Variants in TSPAN11 observed in about 807,000 individuals in gnomAD.
TSPAN11 encodes the protein tetraspanin 11.
TSPAN11 carries 29 observed loss-of-function variants against 32.9 expected under a neutral mutation model. The ratio of observed to expected loss-of-function variants is 0.88; its 90% CI spans 0.66 to 1.20. TSPAN11 has a LOEUF of 1.20. Ranked by LOEUF, TSPAN11 falls within the 50% of genes most tolerant of loss-of-function variation. The probability of loss-of-function intolerance (pLI) is 0.00; values close to 1 mark genes in which losing one functional copy is unlikely to be tolerated. For missense variants in TSPAN11, 283 were observed against 329.1 expected, an observed-to-expected ratio of 0.86 and a Z score of 1.08; for synonymous variants, 140 against 141.3, an observed-to-expected ratio of 0.99 and a Z score of 0.07.
At chr12:30,958,523 G>T (rs547834883) in intron 2 of TSPAN11, among the ~76,000 whole-genome samples, 2 of 152,274 alleles carry the variant, frequency 1.3e-5, no homozygotes, top group East Asian at 3.9e-4. Context: ...CTGCATGTGG[G>T]TATAGGGCTC....
chr12:30,948,753 C>T (rs1419227198), intron 1 of TSPAN11, among the ~76,000 whole-genome samples: 1 of 152,186 alleles, frequency 6.6e-6, no homozygotes, highest in Non-Finnish European at 1.5e-5. Context: ...TCCCCATTGT[C>T]TTGGGGATTA....
At chr12:31,004,636 A>G in the TSPAN11 span, among the ~76,000 whole-genome samples, 2 of 152,186 alleles carry the variant, frequency 1.3e-5, no homozygotes, top group East Asian at 3.9e-4. Flanking sequence ...AGTGAGTAGC[A>G]TCCACACTAG....
chr12:30,964,108 TGGG>T, intron 3 of TSPAN11, 91 bp downstream of exon 3: 1 of 991,038 alleles, frequency 1.0e-6, no homozygotes, highest in Admixed American at 2.6e-5. Context: ...AGCCCTGGAG[TGGG>T]AGGGGCTGAG....
the TSPAN11 span, among the ~76,000 whole-genome samples, chr12:31,002,774 T>C: frequency 2.0e-5 from 3 of 152,194 alleles, no homozygotes; most frequent in African/African-American, 7.2e-5. The surrounding 1 kb of genome is among the most constrained non-coding windows in gnomAD (Gnocchi z 4.8). Flanking sequence ...GAACTGCTCT[T>C]TGGCCACCAA....
intron 1 of TSPAN11, among the ~76,000 whole-genome samples, chr12:30,937,264 C>G (rs1281038344): frequency 6.6e-6 from 1 of 152,098 alleles, no homozygotes; most frequent in Non-Finnish European, 1.5e-5. Context: ...CTGGCAATAA[C>G]TTAAGAGGGA....
At position 30,982,691 on chromosome 12, in the gene TSPAN11, G is replaced by A. The variant is rs1363290330; in HGVS notation, c.615+1G>A. On this transcript the variant is annotated splice_donor_variant, in intron 6 of 7. Transcript: ENST00000546076. LOFTEE classifies it high-confidence loss of function. ...CCCCTCCAACATCTATAAGGTGGAG[G>A]TGAGCACCCAAGCTCAAGTTGGGGG... is the stretch of plus-strand genomic sequence containing the variant. 1 of 1,558,396 alleles carries A rather than the reference G, an allele frequency of 6.4e-7. No homozygotes were observed. Among genetic ancestry groups the A allele is most frequent in the South Asian group, 1.2e-5 (1 of 86,064 alleles).
chr12:30,931,879 CAAAAAAA>C (rs58500177), intron 1 of TSPAN11, among the ~76,000 whole-genome samples: 1 of 60,872 alleles, frequency 1.6e-5, no homozygotes, highest in Non-Finnish European at 3.0e-5. Flanking sequence ...GACGCTGTAT[CAAAAAAA>C]AAAAAAAAAA....
chr12:30,978,538 C>T lies in TSPAN11; in HGVS notation c.277-23C>T, dbSNP rs761837217. 5 of 1,613,460 alleles carry T rather than the reference C, an allele frequency of 3.1e-6. No homozygotes were observed. In the South Asian group the frequency reaches 3.3e-5, roughly 11 times the overall value. On this transcript the variant is annotated intron_variant, in intron 3 of 7. Coordinates refer to ENST00000546076, the MANE Select transcript of TSPAN11 (RefSeq NM_001370302.1). Reference sequence around the variant, plus strand: ...AGCAGCAACCCGATCCCAGTGGTGACCGTCCTCTCTCTTTGCTGCTAGTAT... The same window carrying T: ...AGCAGCAACCCGATCCCAGTGGTGATCGTCCTCTCTCTTTGCTGCTAGTAT...
intron 1 of TSPAN11, among the ~76,000 whole-genome samples, chr12:30,934,823 A>G (rs7132336): frequency 0.61 from 93,245 of 151,728 alleles, 29,618 homozygotes; most frequent in East Asian, 0.75. Flanking sequence ...CAGTATACAG[A>G]TAAAGACACT....
chr12:30,982,231 A>AC (rs2140306354), intron 5 of TSPAN11, among the ~76,000 whole-genome samples: 1 of 152,132 alleles, frequency 6.6e-6, no homozygotes, highest in East Asian at 1.9e-4. Context: ...CTGGGGACCC[A>AC]CCTCGCAGAC....
At chr12:30,939,304 A>C (rs1938111863) in intron 1 of TSPAN11, among the ~76,000 whole-genome samples, 1 of 151,814 alleles carries the variant, frequency 6.6e-6, no homozygotes, top group African/African-American at 2.4e-5. Context: ...CAAGTAAGAA[A>C]ACTGGGCCAG....
downstream of TSPAN11, among the ~76,000 whole-genome samples, chr12:30,999,754 T>C (rs1193840203): frequency 1.3e-5 from 2 of 152,082 alleles, no homozygotes; most frequent in African/African-American, 4.8e-5. Context: ...GCTCTGGATG[T>C]TGGACATGGG....
intron 7 of TSPAN11, chr12:30,988,395 C>G (rs1939244238): frequency 6.6e-6 from 1 of 152,218 alleles, no homozygotes; most frequent in Non-Finnish European, 1.5e-5. Context: ...TGAGTCCAGC[C>G]TGGCTAACAA....
the TSPAN11 span, among the ~76,000 whole-genome samples, chr12:31,014,443 T>C: frequency 6.6e-6 from 1 of 152,344 alleles, no homozygotes; most frequent in Admixed American, 6.5e-5. Flanking sequence ...CATAAGGAAA[T>C]GAAGTTGGAA....
chr12:30,953,822 C>T (rs1938429102), intron 1 of TSPAN11, among the ~76,000 whole-genome samples, 159 bp from the exon 2 acceptor site: 1 of 152,184 alleles, frequency 6.6e-6, no homozygotes, highest in Admixed American at 6.5e-5. Context: ...TTAGCAATTC[C>T]CACATCTTTG....
intron 2 of TSPAN11, among the ~76,000 whole-genome samples, chr12:30,963,372 T>C (rs1306122964): frequency 6.6e-6 from 1 of 152,092 alleles, no homozygotes; most frequent in Non-Finnish European, 1.5e-5. Flanking sequence ...AACATAAGGA[T>C]TAAACAAGGG....
chr12:30,966,201 G>C (rs1225427700), intron 3 of TSPAN11, among the ~76,000 whole-genome samples: 1 of 152,014 alleles, frequency 6.6e-6, no homozygotes, highest in Non-Finnish European at 1.5e-5. Context: ...AACAGAGAGT[G>C]GGTGAGACCC....
intron 3 of TSPAN11, among the ~76,000 whole-genome samples, chr12:30,966,588 C>G (rs1005428786): frequency 3.3e-5 from 5 of 152,150 alleles, no homozygotes; most frequent in Non-Finnish European, 7.4e-5. Flanking sequence ...CTGGACTGTG[C>G]GTTGCTGTCT....
At chr12:31,007,785 C>A in the TSPAN11 span, among the ~76,000 whole-genome samples, 1 of 152,168 alleles carries the variant, frequency 6.6e-6, no homozygotes, top group African/African-American at 2.4e-5. Context: ...AGTAATGAAC[C>A]TGCCAAGAAC....
Sources: gnomAD v4.1 joint callset for allele counts (sites outside exome capture counted in the v4.1 genomes callset) on GRCh38, gnomAD v4.1.1 for gene constraint, Gnocchi (gnomAD v3.1) non-coding constraint, MANE v1.5 for transcripts, NCBI Gene and HGNC (gene_info 2026-07-23, HGNC 2026-07-21) for gene names.